OSBPL8: variants seen among roughly 807,000 people sequenced by gnomAD.
OSBPL8 encodes the protein oxysterol-binding protein-related protein 8.
A neutral mutation model predicts 125.5 loss-of-function variants in OSBPL8; 59 were observed. That is an observed-to-expected ratio of 0.47 (90% CI 0.38 to 0.58). The LOEUF is 0.58. Among genes scored for constraint, OSBPL8 ranks in the 20% least tolerant of loss-of-function variants. OSBPL8 has a pLI of 0.00. For missense variants in OSBPL8, 758 were observed against 1,047.8 expected, an observed-to-expected ratio of 0.72 and a Z score of 3.82; for synonymous variants, 330 against 338.9, an observed-to-expected ratio of 0.97 and a Z score of 0.29.
At chr12:76,406,982 G>T (rs887471930) in intron 5 of OSBPL8, among the ~76,000 whole-genome samples, 1 of 152,118 alleles carries the variant, frequency 6.6e-6, no homozygotes, top group African/African-American at 2.4e-5. Flanking sequence ...GCTCAATCAT[G>T]AATTTTAAGA....
intron 3 of OSBPL8, among the ~76,000 whole-genome samples, chr12:76,456,716 G>A (rs1211861901): frequency 6.6e-6 from 1 of 151,982 alleles, no homozygotes; most frequent in Non-Finnish European, 1.5e-5. Context: ...AACACATATT[G>A]TATATGTTGT....
At position 76,354,196 on chromosome 12, in the gene OSBPL8, T is replaced by C. The variant is rs1387719673; in HGVS notation, c.*1693A>G. Reference sequence around the variant, plus strand: ...ATAACCAAAAACCCATTTGTTCTAATATCATGAAAATACTGGGTATAGGTA... The same window carrying C: ...ATAACCAAAAACCCATTTGTTCTAACATCATGAAAATACTGGGTATAGGTA... On this transcript the variant is annotated 3_prime_UTR_variant, in exon 24 of 24. Transcript: ENST00000261183. 1 of 152,352 alleles carries C rather than the reference T, an allele frequency of 6.6e-6. No homozygotes were observed. The highest frequency in any genetic ancestry group is 1.5e-5 in the Non-Finnish European group (1 of 67,800). The allele number at this position is 152,352 out of a possible 1,614,324, so 9.4% of individuals were successfully genotyped here.
intron 12 of OSBPL8, among the ~76,000 whole-genome samples, chr12:76,389,153 G>A (rs963072336): frequency 9.2e-5 from 14 of 152,084 alleles, no homozygotes; most frequent in African/African-American, 2.4e-4. Flanking sequence ...ATCAGCTGGC[G>A]GCTTCAGAAA....
chr12:76,497,921 G>T (rs1374136979), intron 1 of OSBPL8, among the ~76,000 whole-genome samples: 2 of 152,118 alleles, frequency 1.3e-5, no homozygotes, highest in African/African-American at 4.8e-5. Flanking sequence ...AATTTATATA[G>T]ATTGTTTTTG....
At chr12:76,552,912 G>A (rs1255358525) in intron 1 of OSBPL8, among the ~76,000 whole-genome samples, 1 of 152,124 alleles carries the variant, frequency 6.6e-6, no homozygotes, top group Non-Finnish European at 1.5e-5. Flanking sequence ...TTGCAAAACA[G>A]CCTAGAACTA....
chr12:76,444,915 T>C (rs1291975173), intron 4 of OSBPL8, among the ~76,000 whole-genome samples: 1 of 152,222 alleles, frequency 6.6e-6, no homozygotes, highest in East Asian at 1.9e-4. Context: ...CTCATTAGTT[T>C]TTTTATAGTT....
intron 19 of OSBPL8, among the ~76,000 whole-genome samples, chr12:76,371,014 A>G (rs973797417): frequency 6.6e-6 from 1 of 152,192 alleles, no homozygotes; most frequent in Admixed American, 6.6e-5. Context: ...AATAAATCCT[A>G]TAGAAGCCAG....
chr12:76,388,127 G>T (rs1333761119), intron 12 of OSBPL8, among the ~76,000 whole-genome samples: 1 of 152,102 alleles, frequency 6.6e-6, no homozygotes, highest in Admixed American at 6.5e-5. Context: ...TATATGGGTG[G>T]ATGTATCACA....
intron 4 of OSBPL8, among the ~76,000 whole-genome samples, chr12:76,413,367 C>A (rs1232907626): frequency 1.3e-5 from 2 of 152,182 alleles, no homozygotes; most frequent in Non-Finnish European, 2.9e-5. Flanking sequence ...CTGATTAGAA[C>A]CCTACTGCAT....
intron 1 of OSBPL8, among the ~76,000 whole-genome samples, chr12:76,510,837 T>A (rs1880897411): frequency 6.7e-6 from 1 of 149,428 alleles, no homozygotes; most frequent in Non-Finnish European, 1.5e-5. Context: ...GCCGAGATCA[T>A]GCCACTGCAC....
intron 19 of OSBPL8, 23 bp from the exon 20 acceptor site, chr12:76,369,845 A>G: frequency 1.3e-6 from 2 of 1,574,364 alleles, no homozygotes; most frequent in Non-Finnish European, 1.7e-6. Context: ...CGAAAATATT[A>G]AAAGTATTAA....
intron 5 of OSBPL8, 122 bp from the exon 6 acceptor site, chr12:76,402,888 A>G (rs1822251857): frequency 1.5e-6 from 1 of 676,422 alleles, no homozygotes; most frequent in South Asian, 1.9e-5. Flanking sequence ...GCAAATGTCA[A>G]TTTTCAATAG....
At chr12:76,455,546 G>A (rs1259058601) in intron 3 of OSBPL8, among the ~76,000 whole-genome samples, 2 of 152,132 alleles carry the variant, frequency 1.3e-5, no homozygotes, top group Non-Finnish European at 2.9e-5. Flanking sequence ...CATTTTCGAT[G>A]GAAGTATTAC....
chr12:76,432,562 C>T (rs889794245), intron 4 of OSBPL8, among the ~76,000 whole-genome samples: 1 of 151,962 alleles, frequency 6.6e-6, no homozygotes, highest in African/African-American at 2.4e-5. Flanking sequence ...GCCTGGGCAA[C>T]AGAATGAGAC....
chr12:76,445,853 A>AC (rs1285674970), intron 4 of OSBPL8, among the ~76,000 whole-genome samples: 1 of 152,052 alleles, frequency 6.6e-6, no homozygotes, highest in East Asian at 1.9e-4. Flanking sequence ...CCTAGGTACT[A>AC]CCCCCCAAAA....
At chr12:76,356,499 C>T in intron 23 of OSBPL8, 127 bp downstream of exon 23, 2 of 609,812 alleles carry the variant, frequency 3.3e-6, no homozygotes, top group Non-Finnish European at 5.5e-6. Flanking sequence ...GTGATAGAGG[C>T]TAAACATTGT....
At chr12:76,371,656 G>T in intron 18 of OSBPL8, 72 bp from the exon 19 acceptor site, 1 of 1,231,722 alleles carries the variant, frequency 8.1e-7, no homozygotes, top group Non-Finnish European at 1.0e-6. Context: ...ATAGTAATAT[G>T]ACGGTGATAA....
At chr12:76,401,422 C>T (rs1375786969) in intron 6 of OSBPL8, among the ~76,000 whole-genome samples, 1 of 152,188 alleles carries the variant, frequency 6.6e-6, no homozygotes, top group African/African-American at 2.4e-5. Flanking sequence ...ATTCTGTGAA[C>T]CAGCCACAGT....
At chr12:76,381,032 G>A (rs931897650) in intron 15 of OSBPL8, among the ~76,000 whole-genome samples, 1 of 152,082 alleles carries the variant, frequency 6.6e-6, no homozygotes, top group Non-Finnish European at 1.5e-5. Context: ...TTGTTTATCA[G>A]ATGGTAAACC....
Sources: allele counts gnomAD v4.1 joint callset (sites outside exome capture counted in the v4.1 genomes callset), GRCh38; gene constraint gnomAD v4.1.1; transcripts MANE v1.5; gene names NCBI Gene and HGNC (gene_info 2026-07-23, HGNC 2026-07-21).